TTPAL: variants seen among roughly 807,000 people sequenced by gnomAD.
TTPAL encodes alpha tocopherol transfer protein like.
A neutral mutation model predicts 28.7 loss-of-function variants in TTPAL; 21 were observed. The observed-to-expected ratio is 0.73, with a 90% CI of 0.52 to 1.06. TTPAL has a LOEUF of 1.06. Ranked by LOEUF, TTPAL falls within the 50% of genes least tolerant of loss-of-function variation. The probability of loss-of-function intolerance (pLI) is 0.00; values close to 1 mark genes in which losing one functional copy is unlikely to be tolerated. For missense variants in TTPAL, 345 were observed against 425.5 expected, an observed-to-expected ratio of 0.81 and a Z score of 1.67; for synonymous variants, 169 against 171.9, an observed-to-expected ratio of 0.98 and a Z score of 0.13.
rs1237859562 is a variant in TTPAL, at chr20:44,489,254, C to T, written c.751-9C>T. On this transcript the variant is annotated splice_polypyrimidine_tract_variant and intron_variant, in intron 4 of 4. Coordinates refer to ENST00000262605, the MANE Select transcript of TTPAL (RefSeq NM_001039199.3). ...AGGACATGTGTGTTTTCATTTCATTCCCTTTTAGTTCTTCCTCCATGGGTC... is the reference window on the plus strand; with the variant it reads ...AGGACATGTGTGTTTTCATTTCATTTCCTTTTAGTTCTTCCTCCATGGGTC... 9 of 1,607,348 alleles carry T rather than the reference C, an allele frequency of 5.6e-6. No homozygotes were observed. The highest frequency in any genetic ancestry group is 7.7e-6 in the Non-Finnish European group (9 of 1,174,814).
At chr20:44,485,080 TC>T (rs1305685248) in intron 3 of TTPAL, among the ~76,000 whole-genome samples, 1 of 152,170 alleles carries the variant, frequency 6.6e-6, no homozygotes, top group Non-Finnish European at 1.5e-5. Context: ...GCCATTGCAC[TC>T]CAGCCTGGGT....
chr20:44,487,881 G>C (rs771562996), intron 4 of TTPAL, among the ~76,000 whole-genome samples: 4 of 152,212 alleles, frequency 2.6e-5, no homozygotes, highest in Non-Finnish European at 5.9e-5. Context: ...CAGTTCTCCT[G>C]CCTCAGCCTC....
In TTPAL at chr20:44,493,603, A is replaced by T. The variant is rs1018779234; in HGVS notation, c.*4062A>T. On this transcript the variant is annotated 3_prime_UTR_variant, in exon 5 of 5. Coordinates refer to ENST00000262605, the MANE Select transcript of TTPAL (RefSeq NM_001039199.3). ...ATGTTAGCTAAACCAATTATATACT[A>T]TATACTATACACTGTATCTCCTGTG... 1 of 152,464 alleles carries T rather than the reference A, an allele frequency of 6.6e-6. No homozygotes were observed. Among genetic ancestry groups the T allele is most frequent in the Admixed American group, 6.5e-5 (1 of 15,298 alleles). 9.4% of individuals were successfully genotyped at this position (152,464 alleles called of 1,614,324 possible).
At chr20:44,482,110 G>A (rs529624733) in intron 2 of TTPAL, among the ~76,000 whole-genome samples, 1 of 152,252 alleles carries the variant, frequency 6.6e-6, no homozygotes, top group East Asian at 1.9e-4. Context: ...TCTCAATTGG[G>A]TATCAGCTTT....
In TTPAL at chr20:44,490,503, A is replaced by G. The variant is rs1204087355; in HGVS notation, c.*962A>G. 6.6e-6 allele frequency: 1 copy of G among 152,370 alleles called. No individual in the cohort carries two copies. Among genetic ancestry groups the G allele is most frequent in the Non-Finnish European group, 1.5e-5 (1 of 68,052 alleles). The allele number at this position is 152,370 out of a possible 1,614,324, so 9.4% of individuals were successfully genotyped here. The stretch of plus-strand genomic sequence containing the variant: ...TCTGCCTAGAAAGATAACTATCTAG[A>G]TACAAGTGGTTGGATCCTGTTTTTG... On this transcript the variant is annotated 3_prime_UTR_variant, in exon 5 of 5. Transcript: ENST00000262605.
At chr20:44,483,550 A>C (rs2122847930) in intron 2 of TTPAL, among the ~76,000 whole-genome samples, 1 of 152,258 alleles carries the variant, frequency 6.6e-6, no homozygotes, top group East Asian at 1.9e-4. Flanking sequence ...GTCAGGAGTC[A>C]AGTCAGTTCT....
chr20:44,481,338 A>C (rs2064103169), intron 2 of TTPAL, among the ~76,000 whole-genome samples: 1 of 152,128 alleles, frequency 6.6e-6, no homozygotes, highest in South Asian at 2.1e-4. Flanking sequence ...TGAGGCCAGG[A>C]GTTTGAGACC....
chr20:44,476,683 G>A (rs2064047204), intron 1 of TTPAL, among the ~76,000 whole-genome samples: 1 of 152,234 alleles, frequency 6.6e-6, no homozygotes, highest in South Asian at 2.1e-4. Flanking sequence ...AAGATTAAAT[G>A]AGGAAATGGG....
intron 4 of TTPAL, 105 bp from the exon 5 acceptor site, chr20:44,489,158 C>T: frequency 7.6e-7 from 1 of 1,311,846 alleles, no homozygotes; most frequent in East Asian, 2.4e-5. Context: ...TTAACATTTC[C>T]TTTCTTCATT....
At chr20:44,485,978 T>C (rs1428729678) in intron 3 of TTPAL, 1 of 152,192 alleles carries the variant, frequency 6.6e-6, no homozygotes, top group Non-Finnish European at 1.5e-5. Flanking sequence ...CTGAGAAATA[T>C]ACTTTGGGCA....
At chr20:44,477,757 C>A (rs144232506) in intron 1 of TTPAL, among the ~76,000 whole-genome samples, 2 of 151,984 alleles carry the variant, frequency 1.3e-5, no homozygotes, top group African/African-American at 4.8e-5. Flanking sequence ...TGGTTTCAAG[C>A]GATTATCCTG....
At chr20:44,487,629 C>CT (rs1422185156) in intron 4 of TTPAL, among the ~76,000 whole-genome samples, 1 of 152,194 alleles carries the variant, frequency 6.6e-6, no homozygotes, top group African/African-American at 2.4e-5. Context: ...ATAAATAGCA[C>CT]TTTGTCTTCC....
At chr20:44,481,313 G>A (rs902166139) in intron 2 of TTPAL, among the ~76,000 whole-genome samples, 1 of 152,118 alleles carries the variant, frequency 6.6e-6, no homozygotes, top group African/African-American at 2.4e-5. Context: ...GGGAGGGTGA[G>A]GGAGAAGGAT....
chr20:44,492,562 C>T lies in TTPAL; in HGVS notation c.*3021C>T, dbSNP rs1006316688. 6.1e-5 allele frequency: 4 copies of T among 65,140 alleles called. No individual in the cohort carries two copies. Among genetic ancestry groups the T allele is most frequent in the African/African-American group, 1.3e-4 (4 of 31,222 alleles). 4.0% of individuals were successfully genotyped at this position (65,140 alleles called of 1,614,324 possible). A position where few individuals can be genotyped will look rare whatever the true frequency, so the allele number is the denominator to read the frequency against. On this transcript the variant is annotated 3_prime_UTR_variant, in exon 5 of 5. Coordinates refer to ENST00000262605, the MANE Select transcript of TTPAL (RefSeq NM_001039199.3). Reference sequence around the variant, plus strand: ...TGGCTTCACTGCCACAGACACTGTACTCTCTCTTTTTAGAAGTTTTTTTCC... The same window carrying T: ...TGGCTTCACTGCCACAGACACTGTATTCTCTCTTTTTAGAAGTTTTTTTCC...
rs2064199631 is a variant in TTPAL at position 44,490,962 on chromosome 20, G to C, written c.*1421G>C. 1 of 150,680 alleles carries C rather than the reference G, an allele frequency of 6.6e-6. No homozygotes were observed. The highest frequency in any genetic ancestry group is 2.5e-5 in the African/African-American group (1 of 40,804). The allele number at this position is 150,680 out of a possible 1,614,324, so 9.3% of individuals were successfully genotyped here. On this transcript the variant is annotated 3_prime_UTR_variant, in exon 5 of 5. Transcript: ENST00000262605. The stretch of plus-strand genomic sequence containing the variant: ...GTGGTGGCGGGCTCCTGTAGTCCCA[G>C]CTACTCGGGAGGCTGAGGCAGAAGA...
chr20:44,476,374 A>G (rs955267708), intron 1 of TTPAL, among the ~76,000 whole-genome samples: 1 of 152,202 alleles, frequency 6.6e-6, no homozygotes, highest in African/African-American at 2.4e-5. Context: ...AGCGCTCGGC[A>G]CTGCTGAGTC....
At chr20:44,486,983 A>T (rs1232714220) in intron 4 of TTPAL, among the ~76,000 whole-genome samples, 5 of 152,282 alleles carry the variant, frequency 3.3e-5, no homozygotes, top group Admixed American at 6.5e-5. Context: ...AAAATTTTTT[A>T]AATTAGGTGG....
chr20:44,488,849 T>C (rs999385098), intron 4 of TTPAL, among the ~76,000 whole-genome samples: 1 of 151,758 alleles, frequency 6.6e-6, no homozygotes, highest in African/African-American at 2.4e-5. Context: ...GGCCTCAGAG[T>C]CTGAGGTGGG....
chr20:44,489,137 T>G (rs1013314676), intron 4 of TTPAL, 126 bp from the exon 5 acceptor site: 17 of 1,066,610 alleles, frequency 1.6e-5, no homozygotes, highest in Non-Finnish European at 2.3e-5. Context: ...AAAGTAAGGG[T>G]AGAGTTGCCA....
Sources: gnomAD v4.1 joint callset for allele counts (sites outside exome capture counted in the v4.1 genomes callset) on GRCh38, gnomAD v4.1.1 for gene constraint, MANE v1.5 for transcripts, NCBI Gene and HGNC (gene_info 2026-07-23, HGNC 2026-07-21) for gene names.